Variants in LOXL1 observed in about 807,000 individuals in gnomAD.
LOXL1 encodes lysyl oxidase homolog 1.
Under a neutral mutation model 62.2 loss-of-function variants are expected in LOXL1, and 31 were observed. That is an observed-to-expected ratio of 0.50 (90% CI 0.37 to 0.67). LOXL1 has a LOEUF of 0.67. LOXL1 is among the 30% of genes least tolerant of loss of function. LOXL1 has a pLI of 0.00. For missense variants in LOXL1, 775 were observed against 843.4 expected (o/e 0.92, Z 1.00); for synonymous variants, 403 against 384.4 (o/e 1.05, Z -0.56).
rs1359772238 is a variant in LOXL1, at chr15:73,927,849, G to C, written c.1066G>C (p.Val356Leu). ...CGGCGCGCAGCAGGGCCGCCTCAGC[G>C]TGGGCAGCGTGTACCGGCCCAACCA... ...RNGAQQGRLS[V>L]GSVYRPNQNG... The change falls in exon 1 of 7, where the codon GTG becomes CTG. Residue 356 changes from valine to leucine, a missense_variant. Physicochemically the swap from Val to Leu is conservative, Grantham distance 32. Transcript: ENST00000261921. The C allele has an allele frequency of 6.0e-6, 8 of 1,337,028 alleles. No homozygotes were observed. The highest frequency in any genetic ancestry group is 8.2e-5 in the Admixed American group (2 of 24,290). The allele number at this position is 1,337,028 out of a possible 1,614,324, so 82.8% of individuals were successfully genotyped here.
chr15:73,942,867 G>A lies in LOXL1; in HGVS notation c.1116G>A (p.Leu372=), dbSNP rs781695315. The A allele has an allele frequency of 4.3e-6, 7 of 1,612,918 alleles. No individual in the cohort carries two copies. The highest frequency in any genetic ancestry group is 5.9e-6 in the Non-Finnish European group (7 of 1,178,910). ...PNQNGRGLPD[L]VPDPNYVQAS... ...TGCCCACTCCAGGTCTCCCTGACTT[G>A]GTCCCAGACCCCAACTATGTGCAAG... The change falls in exon 2 of 7, where the codon TTG becomes TTA. Residue 372 remains leucine, a synonymous_variant. Coordinates refer to ENST00000261921, the MANE Select transcript of LOXL1 (RefSeq NM_005576.4).
chr15:73,931,289 A>G (rs564612378), intron 1 of LOXL1, among the ~76,000 whole-genome samples: 5 of 140,988 alleles, frequency 3.5e-5, no homozygotes, highest in South Asian at 2.3e-4. Context: ...CACATGGCCA[A>G]TCAGAGGCCA....
chr15:73,937,602 G>T (rs749717063), intron 1 of LOXL1, among the ~76,000 whole-genome samples: 5 of 152,264 alleles, frequency 3.3e-5, no homozygotes, highest in Non-Finnish European at 5.9e-5. Context: ...AGGGCCTCAG[G>T]CCCCGAGTCA....
intron 3 of LOXL1, among the ~76,000 whole-genome samples, 158 bp from the exon 4 acceptor site, chr15:73,946,909 A>G (rs1491002018): frequency 4.6e-5 from 7 of 152,246 alleles, no homozygotes; most frequent in Non-Finnish European, 2.9e-5. Flanking sequence ...GGGAGCACAG[A>G]GGGGCCACCC....
rs1023501921 is a variant in LOXL1, at chr15:73,927,541, C to G, written c.758C>G (p.Pro253Arg). 3 of 1,496,846 alleles carry G rather than the reference C, an allele frequency of 2.0e-6. No individual in the cohort carries two copies. The highest frequency in any genetic ancestry group is 8.8e-7 in the Non-Finnish European group (1 of 1,130,176). The allele number at this position is 1,496,846 out of a possible 1,614,324, so 92.7% of individuals were successfully genotyped here. The change falls in exon 1 of 7, where the codon CCG (proline) becomes CGG (arginine). Residue 253 changes from proline (P) to arginine (R), a missense_variant. Transcript: ENST00000261921. ...LPEYPPQGFY[P>R]APERPYVPPP... ...GAGTACCCGCCTCAGGGCTTCTACC[C>G]GGCCCCCGAGAGGCCCTACGTGCCG...
chr15:73,946,361 G>A (rs1207114284), intron 2 of LOXL1, 56 bp from the exon 3 acceptor site: 3 of 1,357,714 alleles, frequency 2.2e-6, no homozygotes, highest in Non-Finnish European at 3.1e-6. Context: ...GGCCCATGCT[G>A]GGTTCTGGTG....
At chr15:73,932,030 C>G (rs1458096132) in intron 1 of LOXL1, among the ~76,000 whole-genome samples, 1 of 151,390 alleles carries the variant, frequency 6.6e-6, no homozygotes, top group African/African-American at 2.4e-5. Context: ...GGAGGTGGCA[C>G]AGAAGGGTAC....
rs552239999 is a variant in LOXL1, at chr15:73,946,676, C to G, written c.1349+122C>G. ...GACACAGATACTGGATTAGAGGGCC[C>G]GGGGAGGTGTTACCTGCCAACTCTT... On this transcript the variant is annotated intron_variant, in intron 3 of 6. Coordinates refer to ENST00000261921, the MANE Select transcript of LOXL1 (RefSeq NM_005576.4). The G allele has an allele frequency of 8.3e-6, 10 of 1,207,958 alleles. No individual in the cohort carries two copies. In the East Asian group the frequency reaches 2.6e-4, roughly 31 times the overall value. The allele number at this position is 1,207,958 out of a possible 1,614,324, so 74.8% of individuals were successfully genotyped here.
chr15:73,949,165 G>A lies in LOXL1; in HGVS notation c.1603-294G>A, dbSNP rs750460. 0.37 allele frequency among the ~76,000 whole-genome samples: 56,522 copies of A among 152,090 alleles called. 11,975 individuals are homozygous for A. The highest frequency in any genetic ancestry group is 0.57 in the Middle Eastern group (168 of 294). Reference sequence around the variant, plus strand: ...CAGCTCCTCATTACTGCATTCCCTCGGGCAGGATCCAACCTCTCTGACCCC... The same window carrying A: ...CAGCTCCTCATTACTGCATTCCCTCAGGCAGGATCCAACCTCTCTGACCCC... On this transcript the variant is annotated intron_variant, in intron 5 of 6. Coordinates refer to ENST00000261921, the MANE Select transcript of LOXL1 (RefSeq NM_005576.4).
At chr15:73,929,384 G>A (rs987557429) in intron 1 of LOXL1, among the ~76,000 whole-genome samples, 3 of 152,236 alleles carry the variant, frequency 2.0e-5, no homozygotes, top group Admixed American at 6.5e-5. Flanking sequence ...CTCAGCCTCT[G>A]TCAGCAGAGG....
chr15:73,935,466 T>C (rs890122856), intron 1 of LOXL1, among the ~76,000 whole-genome samples: 9 of 151,976 alleles, frequency 5.9e-5, no homozygotes, highest in African/African-American at 2.2e-4. Context: ...GTAAGAAATA[T>C]GAAAATTTCA....
intron 5 of LOXL1, among the ~76,000 whole-genome samples, chr15:73,948,364 C>T (rs1418012033): frequency 6.6e-6 from 1 of 152,188 alleles, no homozygotes; most frequent in Non-Finnish European, 1.5e-5. Context: ...CTCTAATGGA[C>T]ACTCACTCCA....
chr15:73,947,782 G>T, intron 4 of LOXL1, 25 bp from the exon 5 acceptor site: 1 of 1,529,570 alleles, frequency 6.5e-7, no homozygotes. Flanking sequence ...CAGCATCACA[G>T]CCGCTCCTCT....
At chr15:73,929,769 G>T (rs1400896683) in intron 1 of LOXL1, among the ~76,000 whole-genome samples, 1 of 152,226 alleles carries the variant, frequency 6.6e-6, no homozygotes, top group Admixed American at 6.5e-5. Flanking sequence ...TTTTGCAGTG[G>T]CTTTTCTTAG....
intron 2 of LOXL1, among the ~76,000 whole-genome samples, chr15:73,943,835 CT>C (rs1179475631): frequency 1.3e-5 from 2 of 152,172 alleles, no homozygotes; most frequent in Non-Finnish European, 2.9e-5. Context: ...ATCTAGGAAA[CT>C]CTTTAGAATC....
Position 73,946,398 on chromosome 15 carries a change from T to A in LOXL1, c.1212-19T>A, listed in dbSNP as rs576294191. 551 of 1,359,108 alleles carry A rather than the reference T, an allele frequency of 4.1e-4. 2 individuals carry two copies. Among genetic ancestry groups the A allele is most frequent in the Non-Finnish European group, 5.3e-4 (510 of 971,314 alleles). The allele number at this position is 1,359,108 out of a possible 1,614,324, so 84.2% of individuals were successfully genotyped here. Reference sequence around the variant, plus strand: ...CACTGTGCCCCAACCCCCCCTCATCTCCCCCGCCGTCCCTGCAGCACAGCC... The same window carrying A: ...CACTGTGCCCCAACCCCCCCTCATCACCCCCGCCGTCCCTGCAGCACAGCC... On this transcript the variant is annotated intron_variant, in intron 2 of 6. Coordinates refer to ENST00000261921, the MANE Select transcript of LOXL1 (RefSeq NM_005576.4).
At chr15:73,936,462 C>T (rs2068673370) in intron 1 of LOXL1, among the ~76,000 whole-genome samples, 1 of 152,224 alleles carries the variant, frequency 6.6e-6, no homozygotes, top group Non-Finnish European at 1.5e-5. Context: ...CACCTAGGGG[C>T]TCCTCTGGAG....
intron 1 of LOXL1, among the ~76,000 whole-genome samples, chr15:73,931,226 A>G (rs2068633378): frequency 6.6e-6 from 1 of 151,934 alleles, no homozygotes; most frequent in African/African-American, 2.4e-5. Context: ...CTCCCAGGGC[A>G]TCTTGGATGG....
At chr15:73,937,950 G>A (rs1341972879) in intron 1 of LOXL1, among the ~76,000 whole-genome samples, 1 of 152,226 alleles carries the variant, frequency 6.6e-6, no homozygotes, top group African/African-American at 2.4e-5. Flanking sequence ...GTTCACTGTA[G>A]CGTGTTTGTG....
Sources: gnomAD v4.1 joint callset for allele counts (sites outside exome capture counted in the v4.1 genomes callset) on GRCh38, gnomAD v4.1.1 for gene constraint, MANE v1.5 for transcripts, NCBI Gene and HGNC (gene_info 2026-07-23, HGNC 2026-07-21) for gene names.